The following SOD3 variants were observed in gnomAD, a reference collection of about 807,000 sequenced individuals.
SOD3 encodes superoxide dismutase 3.
A neutral mutation model predicts 2.6 loss-of-function variants in SOD3; 3 were observed. The observed-to-expected ratio is 1.13, with a 90% CI of 0.52 to 2.93. The LOEUF is 2.93. SOD3 is among the 30% of genes most tolerant of loss of function. The pLI is 0.04. For missense variants in SOD3, 379 were observed against 370.4 expected, an observed-to-expected ratio of 1.02 and a Z score of -0.19; for synonymous variants, 188 against 177.5, an observed-to-expected ratio of 1.06 and a Z score of -0.47.
chr4:24,796,435 CTTTTTTTTTTTTTTT>C (rs34368349), intron 1 of SOD3, among the ~76,000 whole-genome samples: 1 of 71,938 alleles, frequency 1.4e-5, no homozygotes, highest in African/African-American at 6.5e-5. Context: ...TCCTTCTTCT[CTTTTTTTTTTTTTTT>C]TTTTTTTTTT....
rs374121751 is a variant in SOD3 at position 24,797,240 on chromosome 4, T to C, written c.-17+1589T>C. Among the ~76,000 whole-genome samples the C allele has an allele frequency of 1.8e-4, 28 of 152,348 alleles. 2 individuals are homozygous for C. In the East Asian group the frequency reaches 2.1e-3, roughly 12 times the overall value. ...TCTATGTACTGGGCTCTGTGCTAAG[T>C]GCCCTAGATGAGAGATGTGCAGTGT... On this transcript the variant is annotated intron_variant, in intron 1 of 1. Transcript: ENST00000382120.
rs1235679438 is a variant in SOD3 at position 24,799,958 on chromosome 4, T to TCGGCA, written c.438_442dup (p.Asn148ThrfsTer187). The TCGGCA allele has an allele frequency of 6.3e-7, 1 of 1,590,798 alleles. No individual in the cohort carries two copies. The highest frequency in any genetic ancestry group is 2.3e-5 in the East Asian group (1 of 44,258). On this transcript the variant is annotated frameshift_variant, in exon 2 of 2. Transcript: ENST00000382120. LOFTEE classifies it high-confidence loss of function. ...CCGCACCCGCAGCACCCGGGCGACT[T>TCGGCA]CGGCAACTTCGCGGTCCGCGACGGC...
intron 1 of SOD3, among the ~76,000 whole-genome samples, chr4:24,795,885 A>C (rs1056342843): frequency 1.3e-5 from 2 of 152,138 alleles, no homozygotes; most frequent in Non-Finnish European, 2.9e-5. Flanking sequence ...GACCAGTCCA[A>C]GAGGATTTTA....
intron 1 of SOD3, among the ~76,000 whole-genome samples, chr4:24,795,923 G>T (rs1041287579): frequency 6.6e-6 from 1 of 152,148 alleles, no homozygotes; most frequent in East Asian, 1.9e-4. Flanking sequence ...CTGGAGTGAC[G>T]AGAAAGGGGG....
At chr4:24,797,479 TAA>T (rs1340923597) in intron 1 of SOD3, among the ~76,000 whole-genome samples, 3 of 152,206 alleles carry the variant, frequency 2.0e-5, no homozygotes, top group Non-Finnish European at 4.4e-5. Flanking sequence ...CTGTGTTCGA[TAA>T]GTTTTAGCAA....
Position 24,799,932 on chromosome 4 carries a change from G to C in SOD3, c.411G>C (p.Val137=). 1 of 1,596,346 alleles carries C rather than the reference G, an allele frequency of 6.3e-7. No individual in the cohort carries two copies. Among genetic ancestry groups the C allele is most frequent in the South Asian group, 1.1e-5 (1 of 90,222 alleles). ...GGCCCCACTACAACCCGCTGGCCGT[G>C]CCGCACCCGCAGCACCCGGGCGACT... ...STGPHYNPLA[V]PHPQHPGDFG... is the part of the protein sequence containing the mutation. Residue 137 remains valine, a synonymous_variant, in exon 2 of 2, where the codon GTG becomes GTC. Transcript: ENST00000382120.
intron 1 of SOD3, among the ~76,000 whole-genome samples, chr4:24,796,364 A>G (rs1287513524): frequency 6.6e-6 from 1 of 151,744 alleles, no homozygotes; most frequent in African/African-American, 2.4e-5. Flanking sequence ...TTAAGAAACA[A>G]GAAGTCAGAG....
chr4:24,800,564 T>G lies in SOD3; in HGVS notation c.*320T>G. 1 of 231,250 alleles carries G rather than the reference T, an allele frequency of 4.3e-6. No individual in the cohort carries two copies. Among genetic ancestry groups the G allele is most frequent in the Non-Finnish European group, 9.1e-6 (1 of 110,420 alleles). The allele number at this position is 231,250 out of a possible 1,614,324, so 14.3% of individuals were successfully genotyped here. ...ACCCAGACCCTCCTTCCCCACCCCA[T>G]AAGCCCTGAGACTCCCGCCTTTGAC... On this transcript the variant is annotated 3_prime_UTR_variant, in exon 2 of 2. Transcript: ENST00000382120.
intron 1 of SOD3, among the ~76,000 whole-genome samples, chr4:24,796,815 A>G (rs1713680751): frequency 6.6e-6 from 1 of 152,118 alleles, no homozygotes; most frequent in Non-Finnish European, 1.5e-5. Context: ...GATTCTTGAA[A>G]AAGAAAGCTC....
chr4:24,800,311 T>A lies in SOD3; in HGVS notation c.*67T>A, dbSNP rs1713853471. 3.0e-6 allele frequency: 4 copies of A among 1,327,944 alleles called. No individual in the cohort carries two copies. In the African/African-American group the frequency reaches 6.2e-5, roughly 21 times the overall value. The allele number at this position is 1,327,944 out of a possible 1,614,324, so 82.3% of individuals were successfully genotyped here. On this transcript the variant is annotated 3_prime_UTR_variant, in exon 2 of 2. Coordinates refer to ENST00000382120, the MANE Select transcript of SOD3 (RefSeq NM_003102.4). Reference sequence around the variant, plus strand: ...CCCCTCTGCCTTTGAGCTTCTCCTCTGCTCCAACAGACACCCTCCACTCTG... The same window carrying A: ...CCCCTCTGCCTTTGAGCTTCTCCTCAGCTCCAACAGACACCCTCCACTCTG...
Position 24,799,903 on chromosome 4 carries a change from A to G in SOD3, c.382A>G (p.Thr128Ala), listed in dbSNP as rs1258022520. ...GGACCTGAGCCAGGGCTGCGAGTCC[A>G]CCGGGCCCCACTACAACCCGCTGGC... is the stretch of plus-strand genomic sequence containing the variant. ...FGDLSQGCESTGPHYNPLAVP... is the reference protein window; with the variant it reads ...FGDLSQGCESAGPHYNPLAVP... Residue 128 changes from threonine (T) to alanine (A), a missense_variant, in exon 2 of 2, where the codon ACC becomes GCC. Transcript: ENST00000382120. 2 of 1,600,546 alleles carry G rather than the reference A, an allele frequency of 1.2e-6. No individual in the cohort carries two copies. Among genetic ancestry groups the G allele is most frequent in the Non-Finnish European group, 1.7e-6 (2 of 1,178,748 alleles).
chr4:24,796,786 A>G (rs1713680120), intron 1 of SOD3, among the ~76,000 whole-genome samples: 1 of 152,080 alleles, frequency 6.6e-6, no homozygotes, highest in Non-Finnish European at 1.5e-5. Flanking sequence ...ACATCTCCTT[A>G]AAATGTTTAT....
rs2695232 is a variant in SOD3 at position 24,800,327 on chromosome 4, C to T, written c.*83C>T. On this transcript the variant is annotated 3_prime_UTR_variant, in exon 2 of 2. Transcript: ENST00000382120. Reference sequence around the variant, plus strand: ...CTTCTCCTCTGCTCCAACAGACACCCTCCACTCTGAGGTCTCACCTTCGCC... The same window carrying T: ...CTTCTCCTCTGCTCCAACAGACACCTTCCACTCTGAGGTCTCACCTTCGCC... 0.61 allele frequency: 774,088 copies of T among 1,270,026 alleles called. 245,928 individuals carry two copies. Among genetic ancestry groups the T allele is most frequent in the Non-Finnish European group, 0.65 (641,413 of 987,406 alleles). 78.7% of individuals were successfully genotyped at this position (1,270,026 alleles called of 1,614,324 possible).
chr4:24,798,516 G>A (rs971554185), intron 1 of SOD3, among the ~76,000 whole-genome samples: 7 of 151,842 alleles, frequency 4.6e-5, no homozygotes, highest in Admixed American at 2.6e-4. Flanking sequence ...TTACTACAAC[G>A]CCCCCTAACT....
chr4:24,799,509 C>A lies in SOD3; in HGVS notation c.-13C>A. ...CCTCCGCGGGGGCGTCCCGCAGGTG[C>A]CCGACTCCAGCCATGCTGGCGCTAC... is the stretch of plus-strand genomic sequence containing the variant. On this transcript the variant is annotated 5_prime_UTR_variant, in exon 2 of 2. Transcript: ENST00000382120. 6.3e-7 allele frequency: 1 copy of A among 1,597,004 alleles called. No homozygotes were observed. Among genetic ancestry groups the A allele is most frequent in the East Asian group, 2.2e-5 (1 of 44,750 alleles).
Position 24,800,024 on chromosome 4 carries a change from C to G in SOD3, c.503C>G (p.Ala168Gly). The G allele has an allele frequency of 6.5e-7, 1 of 1,529,174 alleles. No individual in the cohort carries two copies. The highest frequency in any genetic ancestry group is 1.2e-5 in the South Asian group (1 of 82,718). 94.7% of individuals were successfully genotyped at this position (1,529,174 alleles called of 1,614,324 possible). A position where few individuals can be genotyped will look rare whatever the true frequency, so the allele number is the denominator to read the frequency against. ...CGCGCCGGCCTGGCCGCCTCGCTCG[C>G]GGGCCCGCACTCCATCGTGGGCCGG... ...RYRAGLAASL[A>G]GPHSIVGRAV... Residue 168 changes from alanine (A) to glycine (G), a missense_variant, in exon 2 of 2, where the codon GCG (alanine) becomes GGG (glycine). Coordinates refer to ENST00000382120, the MANE Select transcript of SOD3 (RefSeq NM_003102.4).
At chr4:24,799,382 C>T (rs1713761441) in intron 1 of SOD3, 124 bp from the exon 2 acceptor site, 3 of 1,134,018 alleles carry the variant, frequency 2.6e-6, no homozygotes, top group Non-Finnish European at 3.7e-6. Context: ...GAAGTCATGC[C>T]CACTGGGCCA....
At chr4:24,799,450 A>C (rs1302751343) in intron 1 of SOD3, 56 bp from the exon 2 acceptor site, 2 of 1,559,978 alleles carry the variant, frequency 1.3e-6, no homozygotes, top group South Asian at 1.2e-5. Flanking sequence ...CTGAGATTCT[A>C]TGTTTCACGT....
In SOD3 at chr4:24,799,790, G is replaced by A; in HGVS notation, c.269G>A (p.Arg90His). 4 of 1,585,848 alleles carry A rather than the reference G, an allele frequency of 2.5e-6. 1 individual carries two copies. The highest frequency in any genetic ancestry group is 3.4e-6 in the Non-Finnish European group (4 of 1,172,504). The part of the protein sequence containing the change: ...GVVLFRQLAP[R>H]AKLDAFFALE... ...GTCCTCTTCCGGCAGCTTGCGCCCC[G>A]CGCCAAGCTCGACGCCTTCTTCGCC... The change falls in exon 2 of 2, where the codon CGC becomes CAC. Residue 90 changes from arginine (R) to histidine (H), a missense_variant. By Grantham distance (29) the Arg-to-His change is conservative (BLOSUM62 0). Coordinates refer to ENST00000382120, the MANE Select transcript of SOD3 (RefSeq NM_003102.4).
Sources: allele counts gnomAD v4.1 joint callset (sites outside exome capture counted in the v4.1 genomes callset), GRCh38; gene constraint gnomAD v4.1.1; transcripts MANE v1.5; gene names NCBI Gene and HGNC (gene_info 2026-07-23, HGNC 2026-07-21).